The following TDP1 variants were observed in gnomAD, a reference collection of about 807,000 sequenced individuals.
The protein encoded by TDP1 is tyr-DNA phosphodiesterase 1.
In TDP1, 64 loss-of-function variants were observed where a neutral mutation model predicts 81.5. The observed-to-expected ratio is 0.79, with a 90% CI of 0.64 to 0.97. The LOEUF (loss-of-function observed/expected upper bound fraction) is 0.97. TDP1 is among the 50% of genes least tolerant of loss of function. The pLI is 0.00. For missense variants in TDP1, 723 were observed against 743.8 expected (o/e 0.97, Z 0.33); for synonymous variants, 256 against 264.3 (o/e 0.97, Z 0.30).
intron 5 of TDP1, among the ~76,000 whole-genome samples, chr14:89,969,272 GTCC>G (rs911274382): frequency 3.3e-5 from 5 of 151,068 alleles, no homozygotes; most frequent in Non-Finnish European, 7.4e-5. Flanking sequence ...GGACGAAAGT[GTCC>G]TCCTTCTCCC....
intron 6 of TDP1, among the ~76,000 whole-genome samples, chr14:89,974,714 C>T (rs1016764835): frequency 5.9e-5 from 9 of 152,192 alleles, no homozygotes; most frequent in Middle Eastern, 6.8e-3. Context: ...CAGAATGGTA[C>T]CGTTTTAAAG....
At chr14:89,971,305 A>G in intron 6 of TDP1, 34 bp downstream of exon 6, 1 of 1,519,928 alleles carries the variant, frequency 6.6e-7, no homozygotes, top group East Asian at 2.3e-5. Context: ...GAGCACGCGT[A>G]GTCTGAGTTA....
intron 8 of TDP1, among the ~76,000 whole-genome samples, chr14:89,980,902 G>A (rs927937574): frequency 1.3e-5 from 2 of 152,200 alleles, no homozygotes; most frequent in Non-Finnish European, 2.9e-5. Context: ...TTTACACACA[G>A]TAGTCTCTTC....
intron 2 of TDP1, among the ~76,000 whole-genome samples, chr14:89,959,349 T>C (rs1892056992): frequency 6.6e-6 from 1 of 152,252 alleles, no homozygotes; most frequent in South Asian, 2.1e-4. Context: ...TCTGAAATGC[T>C]GGGCACCAGA....
In TDP1 at chr14:89,963,466, G is replaced by C. The variant is rs1422985822; in HGVS notation, c.352G>C (p.Ala118Pro). Residue 118 changes from alanine to proline, a missense_variant, in exon 3 of 17, where the codon GCT (alanine) becomes CCT (proline). Physicochemically the swap from Ala to Pro is conservative, Grantham distance 27. Transcript: ENST00000335725. ...GATCAAAAAGGAGAAAGACATCTCT[G>C]CTCCCAATGACGGCACTGCCCAAAG... Reference protein sequence around the residue: ...VVIKKEKDISAPNDGTAQRTE... With the variant: ...VVIKKEKDISPPNDGTAQRTE... 1.2e-6 allele frequency: 2 copies of C among 1,611,598 alleles called. No individual in the cohort carries two copies. The highest frequency in any genetic ancestry group is 2.7e-5 in the African/African-American group (2 of 74,716).
chr14:89,998,407 T>C (rs1445077662), intron 14 of TDP1, among the ~76,000 whole-genome samples: 3 of 123,634 alleles, frequency 2.4e-5, no homozygotes, highest in Non-Finnish European at 4.7e-5. Context: ...TATATATATA[T>C]ATATATATAT....
rs1317916833 is a variant in TDP1, at chr14:90,043,388, T to G, written c.*245T>G. ...AAGAAAATTAGTGAACTTCTCTATG[T>G]TAAAAATACGTACTGCTTGAGTATC... is the stretch of plus-strand genomic sequence containing the variant. On this transcript the variant is annotated 3_prime_UTR_variant, in exon 17 of 17. Transcript: ENST00000335725. 8.6e-6 allele frequency: 5 copies of G among 579,116 alleles called. No individual in the cohort carries two copies. The allele number at this position is 579,116 out of a possible 1,614,324, so 35.9% of individuals were successfully genotyped here.
At chr14:89,987,495 CTT>C (rs1895697338) in intron 10 of TDP1, among the ~76,000 whole-genome samples, 1 of 152,214 alleles carries the variant, frequency 6.6e-6, no homozygotes, top group African/African-American at 2.4e-5. Context: ...AAAGTGGACA[CTT>C]TTAAAAGGGG....
chr14:89,998,894 A>C (rs574947886), intron 14 of TDP1, among the ~76,000 whole-genome samples: 1 of 152,174 alleles, frequency 6.6e-6, no homozygotes, highest in South Asian at 2.1e-4. Context: ...CGTTTCTTTG[A>C]TGTCTCCGGG....
intron 14 of TDP1, among the ~76,000 whole-genome samples, chr14:89,996,125 A>G (rs147600772): frequency 3.5e-4 from 53 of 152,314 alleles, no homozygotes; most frequent in Non-Finnish European, 5.9e-4. Flanking sequence ...AGGGTTTCCT[A>G]TCTGTTGTGT....
intron 14 of TDP1, among the ~76,000 whole-genome samples, chr14:89,994,201 A>T (rs1896472243): frequency 1.3e-5 from 2 of 152,228 alleles, no homozygotes; most frequent in South Asian, 2.1e-4. Context: ...CACAGAGTAG[A>T]ATTATTTCTT....
chr14:89,986,566 C>T (rs528580934), intron 10 of TDP1, among the ~76,000 whole-genome samples: 52 of 152,334 alleles, frequency 3.4e-4, no homozygotes, highest in African/African-American at 1.3e-3. Flanking sequence ...TTTCAAACCA[C>T]TTTTTACACA....
At chr14:90,009,660 A>G (rs879419781) in intron 14 of TDP1, among the ~76,000 whole-genome samples, 3 of 152,260 alleles carry the variant, frequency 2.0e-5, no homozygotes, top group Non-Finnish European at 4.4e-5. Flanking sequence ...TAAAAGACAT[A>G]AAGATTATTA....
At chr14:89,984,964 A>G (rs1215837189) in intron 9 of TDP1, 168 bp from the exon 10 acceptor site, 1 of 939,256 alleles carries the variant, frequency 1.1e-6, no homozygotes, top group Non-Finnish European at 1.3e-6. Flanking sequence ...TAGGCATTCC[A>G]TCATTAGTTG....
chr14:90,022,399 G>C (rs1007593012), intron 15 of TDP1, among the ~76,000 whole-genome samples: 1 of 152,232 alleles, frequency 6.6e-6, no homozygotes, highest in African/African-American at 2.4e-5. Flanking sequence ...ACTCAGCAGC[G>C]GCCCTTCTCC....
Position 89,963,493 on chromosome 14 carries a change from A to G in TDP1, c.379A>G (p.Thr127Ala), listed in dbSNP as rs200900192. The part of the protein sequence containing the change: ...SAPNDGTAQR[T>A]ENHGAPACHR... Reference sequence around the variant, plus strand: ...TCCCAATGACGGCACTGCCCAAAGAACTGAAAATCATGGCGCTCCCGCCTG... The same window carrying G: ...TCCCAATGACGGCACTGCCCAAAGAGCTGAAAATCATGGCGCTCCCGCCTG... Residue 127 changes from threonine (T) to alanine (A), a missense_variant, in exon 3 of 17, where the codon ACT (threonine) becomes GCT (alanine). Transcript: ENST00000335725. The G allele has an allele frequency of 2.7e-5, 43 of 1,604,418 alleles. No homozygotes were observed. In the African/African-American group the frequency reaches 4.2e-4, roughly 16 times the overall value.
intron 6 of TDP1, chr14:89,975,369 C>A (rs978295472): frequency 1.0e-6 from 1 of 984,350 alleles, no homozygotes; most frequent in Admixed American, 6.1e-5. Flanking sequence ...AGCCACCGCA[C>A]CTGGCCTTCA....
intron 14 of TDP1, among the ~76,000 whole-genome samples, chr14:90,008,968 C>G (rs1884373056): frequency 6.6e-6 from 1 of 152,212 alleles, no homozygotes. Context: ...CTTGGCTTCC[C>G]AAAGCACTAG....
chr14:89,993,503 C>T lies in TDP1; in HGVS notation c.1541+20C>T, dbSNP rs768300413. The T allele has an allele frequency of 1.2e-6, 2 of 1,610,692 alleles. No individual in the cohort carries two copies. The highest frequency in any genetic ancestry group is 1.3e-5 in the African/African-American group (1 of 74,928). The stretch of plus-strand genomic sequence containing the variant: ...CACAAGGTAAATAGTCCTTACATTC[C>T]TGATGGGAGAAATCTTTTTAATGTG... On this transcript the variant is annotated intron_variant, in intron 14 of 16. Coordinates refer to ENST00000335725, the MANE Select transcript of TDP1 (RefSeq NM_018319.4).
Sources: gnomAD v4.1 joint callset for allele counts (sites outside exome capture counted in the v4.1 genomes callset) on GRCh38, gnomAD v4.1.1 for gene constraint, MANE v1.5 for transcripts, NCBI Gene and HGNC (gene_info 2026-07-23, HGNC 2026-07-21) for gene names.